TTC28: variants seen among roughly 807,000 people sequenced by gnomAD.
TTC28 encodes tetratricopeptide repeat domain 28, also known as tetratricopeptide repeat protein 28.
TTC28 carries 61 observed loss-of-function variants against 198.0 expected under a neutral mutation model. The ratio of observed to expected loss-of-function variants is 0.31; its 90% CI spans 0.25 to 0.38. TTC28 has a LOEUF of 0.38. Among genes scored for constraint, TTC28 ranks in the 10% least tolerant of loss-of-function variants. TTC28 has a pLI of 1.00. For missense variants in TTC28, 2,678 were observed against 3,164.0 expected, an observed-to-expected ratio of 0.85 and a Z score of 3.69; for synonymous variants, 1,171 against 1,297.8, an observed-to-expected ratio of 0.90 and a Z score of 2.10.
At chr22:28,390,279 G>C (rs2046693685) in intron 2 of TTC28, among the ~76,000 whole-genome samples, 1 of 151,968 alleles carries the variant, frequency 6.6e-6, no homozygotes, top group African/African-American at 2.4e-5. Context: ...GGTCAATTTT[G>C]GAACAGGTGG....
chr22:28,675,627 GC>G (rs755758010), intron 1 of TTC28, among the ~76,000 whole-genome samples: 5 of 151,338 alleles, frequency 3.3e-5, no homozygotes, highest in Admixed American at 6.6e-5. Context: ...AGTCCTACCT[GC>G]TCAGGAGGCT....
intron 5 of TTC28, among the ~76,000 whole-genome samples, chr22:28,197,771 T>C (rs574448027): frequency 6.6e-6 from 1 of 152,088 alleles, no homozygotes; most frequent in South Asian, 2.1e-4. Flanking sequence ...TCCCAGCACT[T>C]TGGGAGATTG....
At chr22:28,491,742 C>A (rs2146344922) in intron 2 of TTC28, among the ~76,000 whole-genome samples, 1 of 152,252 alleles carries the variant, frequency 6.6e-6, no homozygotes, top group South Asian at 2.1e-4. Context: ...CCATTTGACC[C>A]AGCCATCTCA....
chr22:28,618,876 ATATT>A, intron 2 of TTC28, among the ~76,000 whole-genome samples: 1 of 152,146 alleles, frequency 6.6e-6, no homozygotes, highest in Non-Finnish European at 1.5e-5. Flanking sequence ...TATATCACAC[ATATT>A]AAACAGTGAG....
At chr22:28,113,373 C>T (rs1385014150) in intron 6 of TTC28, among the ~76,000 whole-genome samples, 2 of 152,184 alleles carry the variant, frequency 1.3e-5, no homozygotes, top group Non-Finnish European at 2.9e-5. Flanking sequence ...ACTCAAATCA[C>T]CATCTATTCT....
chr22:28,635,016 T>G (rs544047202), intron 1 of TTC28, among the ~76,000 whole-genome samples: 10 of 152,358 alleles, frequency 6.6e-5, no homozygotes, highest in Admixed American at 2.6e-4. Flanking sequence ...ACTAATTTAA[T>G]GAGTTAGAAT....
chr22:28,591,721 C>T (rs1377312246), intron 2 of TTC28, among the ~76,000 whole-genome samples: 1 of 151,964 alleles, frequency 6.6e-6, no homozygotes, highest in Non-Finnish European at 1.5e-5. Flanking sequence ...GTTTCTATAC[C>T]TTTTTTTATA....
intron 1 of TTC28, among the ~76,000 whole-genome samples, chr22:28,650,986 C>G (rs1004282754): frequency 6.6e-6 from 1 of 152,212 alleles, no homozygotes. Flanking sequence ...TTTACTGGAA[C>G]ACAGCCATAT....
chr22:28,177,644 A>G (rs971613604), intron 5 of TTC28, among the ~76,000 whole-genome samples: 1 of 152,230 alleles, frequency 6.6e-6, no homozygotes, highest in South Asian at 2.1e-4. Flanking sequence ...AAACTGTGGG[A>G]TATCCATACA....
intron 13 of TTC28, among the ~76,000 whole-genome samples, chr22:28,024,200 G>A (rs1356147746): frequency 3.9e-5 from 6 of 152,124 alleles, no homozygotes; most frequent in African/African-American, 1.4e-4. Context: ...GCATGGTTGT[G>A]GCTCCCTACC....
At chr22:28,445,950 T>C (rs2047694734) in intron 2 of TTC28, among the ~76,000 whole-genome samples, 1 of 152,078 alleles carries the variant, frequency 6.6e-6, no homozygotes, top group African/African-American at 2.4e-5. Context: ...AGCAGGGACT[T>C]GACTGTTATA....
At chr22:28,424,721 T>G (rs1249810636) in intron 2 of TTC28, among the ~76,000 whole-genome samples, 1 of 152,190 alleles carries the variant, frequency 6.6e-6, no homozygotes, top group Admixed American at 6.5e-5. Context: ...ATAACCACAT[T>G]TAGTCAAACA....
chr22:28,356,858 A>C (rs535376793), intron 2 of TTC28, among the ~76,000 whole-genome samples: 50 of 152,176 alleles, frequency 3.3e-4, no homozygotes, highest in Non-Finnish European at 7.1e-4. Context: ...AAATTCAAAA[A>C]AATTATCATT....
chr22:28,228,302 CA>C (rs1429793554), intron 5 of TTC28, among the ~76,000 whole-genome samples: 74 of 152,068 alleles, frequency 4.9e-4, no homozygotes, highest in African/African-American at 1.7e-3. Flanking sequence ...GTAGTAGTTG[CA>C]AAACAATGTT....
At chr22:28,191,896 C>G (rs962565114) in intron 5 of TTC28, among the ~76,000 whole-genome samples, 2 of 152,184 alleles carry the variant, frequency 1.3e-5, no homozygotes, top group African/African-American at 4.8e-5. Flanking sequence ...CAGCAGAATC[C>G]TCTGCAGACT....
intron 2 of TTC28, among the ~76,000 whole-genome samples, chr22:28,565,610 C>T (rs1467379929): frequency 1.3e-5 from 2 of 152,116 alleles, no homozygotes; most frequent in Admixed American, 6.6e-5. Context: ...TTTCAGATTA[C>T]ATTTCACAAA....
chr22:28,296,081 C>T (rs546366856), intron 5 of TTC28, 117 bp downstream of exon 5: 1 of 1,139,122 alleles, frequency 8.8e-7, no homozygotes, highest in East Asian at 2.6e-5. Flanking sequence ...TCAAGTAATA[C>T]TTTCTTCTGA....
chr22:28,281,940 T>C (rs2044590409), intron 5 of TTC28, among the ~76,000 whole-genome samples: 1 of 152,178 alleles, frequency 6.6e-6, no homozygotes, highest in African/African-American at 2.4e-5. Flanking sequence ...ATTTCCCATC[T>C]CACTTTCTGG....
At chr22:28,319,566 T>C (rs1198024649) in intron 2 of TTC28, among the ~76,000 whole-genome samples, 1 of 152,184 alleles carries the variant, frequency 6.6e-6, no homozygotes, top group Non-Finnish European at 1.5e-5. Context: ...GGGGAGGTTA[T>C]ACATGTATGA....
Sources: allele counts gnomAD v4.1 joint callset (sites outside exome capture counted in the v4.1 genomes callset), GRCh38; gene constraint gnomAD v4.1.1; transcripts MANE v1.5; gene names NCBI Gene and HGNC (gene_info 2026-07-23, HGNC 2026-07-21).